The following ERBB4 variants were observed in gnomAD, a reference collection of about 807,000 sequenced individuals.
The protein encoded by ERBB4 is erb-b2 receptor tyrosine kinase 4.
ERBB4 carries 42 observed loss-of-function variants against 158.0 expected under a neutral mutation model. The observed-to-expected ratio is 0.27, with a 90% CI of 0.21 to 0.34. The LOEUF (loss-of-function observed/expected upper bound fraction) is 0.34, where lower values mean the gene tolerates loss of function less well. ERBB4 is among the 10% of genes least tolerant of loss of function. ERBB4 has a pLI of 1.00. For synonymous variants in ERBB4, 583 were observed against 558.7 expected, an observed-to-expected ratio of 1.04 and a Z score of -0.61; for missense variants, 1,333 against 1,624.1, an observed-to-expected ratio of 0.82 and a Z score of 3.08.
chr2:212,495,649 C>A (rs1262487937), intron 1 of ERBB4, among the ~76,000 whole-genome samples: 1 of 152,108 alleles, frequency 6.6e-6, no homozygotes, highest in Non-Finnish European at 1.5e-5. Context: ...TTTGTGAGAG[C>A]CCCATTGATG....
chr2:211,633,618 C>T (rs1320338571), intron 16 of ERBB4, among the ~76,000 whole-genome samples: 2 of 144,334 alleles, frequency 1.4e-5, no homozygotes, highest in Admixed American at 7.1e-5. Context: ...TGTGTTCTCA[C>T]TAGTTTTTTC....
At chr2:211,818,547 T>TA (rs1424098426) in intron 3 of ERBB4, among the ~76,000 whole-genome samples, 1 of 152,034 alleles carries the variant, frequency 6.6e-6, no homozygotes, top group Non-Finnish European at 1.5e-5. Flanking sequence ...GGTCTCCAAA[T>TA]AACAGAAATC....
intron 3 of ERBB4, among the ~76,000 whole-genome samples, chr2:211,843,889 A>G (rs1041460570): frequency 1.3e-5 from 2 of 152,118 alleles, no homozygotes; most frequent in Non-Finnish European, 2.9e-5. Context: ...CTTTCTTAAT[A>G]ATATTTACAG....
intron 3 of ERBB4, among the ~76,000 whole-genome samples, chr2:211,820,322 G>A (rs1205111704): frequency 6.6e-6 from 1 of 151,808 alleles, no homozygotes; most frequent in South Asian, 2.1e-4. Flanking sequence ...CAATAAATTT[G>A]AAAACCTAGA....
intron 7 of ERBB4, among the ~76,000 whole-genome samples, chr2:211,716,568 C>G (rs1016024926): frequency 7.1e-6 from 1 of 140,282 alleles, no homozygotes; most frequent in Non-Finnish European, 1.6e-5. Flanking sequence ...CCCAGCTACT[C>G]GGGAGGCTGA....
intron 1 of ERBB4, among the ~76,000 whole-genome samples, chr2:212,322,852 C>A (rs932309675): frequency 6.7e-6 from 1 of 150,050 alleles, no homozygotes; most frequent in Admixed American, 6.6e-5. Context: ...CATGTAGCAC[C>A]AGAATAGTGT....
intron 2 of ERBB4, among the ~76,000 whole-genome samples, chr2:212,023,507 C>A (rs2125332520): frequency 2.2e-5 from 1 of 44,564 alleles, no homozygotes; most frequent in Non-Finnish European, 8.2e-5. Flanking sequence ...AGCGTTTATA[C>A]AAGTTAATTT....
chr2:212,429,859 C>A (rs577757010), intron 1 of ERBB4, among the ~76,000 whole-genome samples: 1 of 152,026 alleles, frequency 6.6e-6, no homozygotes, highest in East Asian at 1.9e-4. Flanking sequence ...AAATAAAATG[C>A]GAAAATACTT....
chr2:211,809,529 G>A (rs1181285911), intron 3 of ERBB4, among the ~76,000 whole-genome samples: 5 of 152,070 alleles, frequency 3.3e-5, no homozygotes, highest in Non-Finnish European at 4.4e-5. Flanking sequence ...TGGGATTGGT[G>A]GTGATATCCC....
intron 6 of ERBB4, among the ~76,000 whole-genome samples, chr2:211,724,090 G>A (rs2106127352): frequency 6.6e-6 from 1 of 152,280 alleles, no homozygotes; most frequent in East Asian, 1.9e-4. Flanking sequence ...TCAGAATCAA[G>A]CTTCCATCCT....
chr2:211,597,567 T>C (rs894707172), intron 19 of ERBB4, among the ~76,000 whole-genome samples: 1 of 152,156 alleles, frequency 6.6e-6, no homozygotes, highest in African/African-American at 2.4e-5. Context: ...AATTGTTAAT[T>C]CAAAGGAAGC....
intron 1 of ERBB4, among the ~76,000 whole-genome samples, chr2:212,127,870 G>A (rs1484053355): frequency 6.6e-6 from 1 of 152,124 alleles, no homozygotes; most frequent in Non-Finnish European, 1.5e-5. Flanking sequence ...GAGTGGCAAG[G>A]AAGAATTCTA....
At chr2:212,234,021 A>G (rs113345812) in intron 1 of ERBB4, among the ~76,000 whole-genome samples, 9,485 of 150,690 alleles carry the variant, frequency 0.063, 357 homozygotes, top group Non-Finnish European at 0.082. Context: ...GTCTTGGGAT[A>G]CATGTGCAGA....
chr2:212,523,601 C>A (rs1349311456), intron 1 of ERBB4, among the ~76,000 whole-genome samples: 1 of 151,840 alleles, frequency 6.6e-6, no homozygotes, highest in Non-Finnish European at 1.5e-5. Flanking sequence ...ATCTACTAAT[C>A]TATGAAGAGC....
chr2:212,431,110 T>C (rs2105939944), intron 1 of ERBB4, among the ~76,000 whole-genome samples: 1 of 152,034 alleles, frequency 6.6e-6, no homozygotes, highest in Admixed American at 6.6e-5. Flanking sequence ...CAGACCTCTC[T>C]CCAGAACCTC....
intron 15 of ERBB4, among the ~76,000 whole-genome samples, chr2:211,658,943 T>A (rs1574939181): frequency 1.3e-5 from 2 of 152,134 alleles, no homozygotes; most frequent in East Asian, 3.8e-4. Context: ...CTCCAGAACA[T>A]TATCAAGATC....
chr2:212,054,778 G>C (rs1348416555), intron 2 of ERBB4, among the ~76,000 whole-genome samples: 1 of 152,188 alleles, frequency 6.6e-6, no homozygotes, highest in Non-Finnish European at 1.5e-5. Flanking sequence ...AGGAGAGGAA[G>C]TATTACCTTA....
At chr2:211,981,784 C>T (rs550954566) in intron 2 of ERBB4, among the ~76,000 whole-genome samples, 7 of 152,276 alleles carry the variant, frequency 4.6e-5, no homozygotes, top group Non-Finnish European at 1.0e-4. Context: ...TAAATATTTG[C>T]ATTTGCCTCT....
chr2:211,609,425 CT>C (rs1436329630), intron 19 of ERBB4, among the ~76,000 whole-genome samples: 1 of 152,182 alleles, frequency 6.6e-6, no homozygotes, highest in Non-Finnish European at 1.5e-5. Context: ...AGATCACACT[CT>C]TTCACACTCA....
Sources: gnomAD v4.1 joint callset for allele counts (sites outside exome capture counted in the v4.1 genomes callset) on GRCh38, gnomAD v4.1.1 for gene constraint, MANE v1.5 for transcripts, NCBI Gene and HGNC (gene_info 2026-07-23, HGNC 2026-07-21) for gene names.